GALNT12: variants seen among roughly 807,000 people sequenced by gnomAD.
The protein encoded by GALNT12 is polypeptide N-acetylgalactosaminyltransferase 12, also known as UDP-GalNAc:polypeptide N-acetylgalactosaminyltransferase 12.
In GALNT12, 45 loss-of-function variants were observed where a neutral mutation model predicts 55.5. The ratio of observed to expected loss-of-function variants is 0.81; its 90% CI spans 0.64 to 1.04. GALNT12 has a LOEUF of 1.04. Among genes scored for constraint, GALNT12 ranks in the 50% least tolerant of loss-of-function variants. The probability of loss-of-function intolerance (pLI) is 0.00; values close to 1 mark genes in which losing one functional copy is unlikely to be tolerated. For synonymous variants in GALNT12, 304 were observed against 312.2 expected (o/e 0.97, Z 0.28); for missense variants, 709 against 754.8 (o/e 0.94, Z 0.71).
intron 6 of GALNT12, among the ~76,000 whole-genome samples, chr9:98,839,006 T>C (rs1836221989): frequency 6.6e-6 from 1 of 152,188 alleles, no homozygotes; most frequent in Non-Finnish European, 1.5e-5. Flanking sequence ...TCAGCCCCTC[T>C]CTGGCTCTGG....
intron 1 of GALNT12, among the ~76,000 whole-genome samples, chr9:98,814,713 G>A (rs902488732): frequency 3.3e-5 from 5 of 151,202 alleles, no homozygotes; most frequent in African/African-American, 9.7e-5. Context: ...GGAAGATCAA[G>A]AGGCATTTAC....
intron 1 of GALNT12, among the ~76,000 whole-genome samples, chr9:98,818,903 A>T (rs1183493371): frequency 1.3e-5 from 2 of 152,194 alleles, no homozygotes; most frequent in Non-Finnish European, 2.9e-5. Flanking sequence ...TATAGCCAAG[A>T]TGTCACTTGG....
chr9:98,830,465 T>G (rs748941078), intron 3 of GALNT12, among the ~76,000 whole-genome samples: 2 of 152,184 alleles, frequency 1.3e-5, no homozygotes, highest in Non-Finnish European at 2.9e-5. Context: ...CTGCACATTC[T>G]CCAGCCACGA....
intron 9 of GALNT12, among the ~76,000 whole-genome samples, chr9:98,846,696 C>CA (rs1314292660): frequency 1.6e-5 from 1 of 61,720 alleles, no homozygotes; most frequent in East Asian, 9.6e-3. Context: ...CCCATCTCTA[C>CA]TTAAAAAAAA....
At chr9:98,830,071 A>G (rs778644006) in intron 3 of GALNT12, among the ~76,000 whole-genome samples, 7 of 152,222 alleles carry the variant, frequency 4.6e-5, no homozygotes, top group African/African-American at 7.2e-5. Flanking sequence ...TAGAGGTTGT[A>G]CTAATTTACA....
At chr9:98,827,496 T>C (rs916574379) in intron 3 of GALNT12, among the ~76,000 whole-genome samples, 25 of 152,214 alleles carry the variant, frequency 1.6e-4, no homozygotes, top group African/African-American at 5.8e-4. Flanking sequence ...TATCCGGGCT[T>C]GTTGCAGAAA....
At chr9:98,816,732 C>T (rs1835619555) in intron 1 of GALNT12, among the ~76,000 whole-genome samples, 1 of 151,102 alleles carries the variant, frequency 6.6e-6, no homozygotes, top group Non-Finnish European at 1.5e-5. Context: ...CTCACTGCCA[C>T]CCCCGCCTCC....
chr9:98,834,117 C>T (rs1178683356), intron 4 of GALNT12, among the ~76,000 whole-genome samples: 2 of 151,926 alleles, frequency 1.3e-5, no homozygotes, highest in Non-Finnish European at 2.9e-5. Context: ...TCAATGTTCT[C>T]TTTCCCTATT....
Position 98,849,734 on chromosome 9 carries a change from C to A in GALNT12, c.*642C>A. The A allele has an allele frequency of 5.0e-6, 2 of 398,758 alleles. No individual in the cohort carries two copies. Among genetic ancestry groups the A allele is most frequent in the African/African-American group, 2.1e-5 (1 of 48,720 alleles). 24.7% of individuals were successfully genotyped at this position (398,758 alleles called of 1,614,324 possible). ...TAACCAAAGCTGAAATCTCAGAGAACAATTTGCTTTACTAAGCTGAGTCAA... is the reference window on the plus strand; with the variant it reads ...TAACCAAAGCTGAAATCTCAGAGAAAAATTTGCTTTACTAAGCTGAGTCAA... On this transcript the variant is annotated 3_prime_UTR_variant, in exon 10 of 10. Coordinates refer to ENST00000375011, the MANE Select transcript of GALNT12 (RefSeq NM_024642.5).
At chr9:98,835,723 A>G (rs1224361043) in intron 5 of GALNT12, among the ~76,000 whole-genome samples, 1 of 151,792 alleles carries the variant, frequency 6.6e-6, no homozygotes, top group African/African-American at 2.4e-5. Context: ...TCAAACTTTG[A>G]CAGATGTAAG....
At chr9:98,812,200 A>G (rs1364613289) in intron 1 of GALNT12, among the ~76,000 whole-genome samples, 1 of 152,206 alleles carries the variant, frequency 6.6e-6, no homozygotes, top group Non-Finnish European at 1.5e-5. Flanking sequence ...AATTTCGGTT[A>G]GTATTTTCCT....
rs1835872388 is a variant in GALNT12 at position 98,826,956 on chromosome 9, C to T, written c.731+15C>T. ...CTGCTGCAGAGGTACGTGAGCCGCC[C>T]ACCATGGGAGAGACAGCATGTTACC... On this transcript the variant is annotated intron_variant, in intron 3 of 9. Transcript: ENST00000375011. 2 of 1,552,892 alleles carry T rather than the reference C, an allele frequency of 1.3e-6. No individual in the cohort carries two copies. Among genetic ancestry groups the T allele is most frequent in the Non-Finnish European group, 1.7e-6 (2 of 1,147,880 alleles).
At chr9:98,836,930 T>C (rs1588453737) in intron 5 of GALNT12, 42 bp from the exon 6 acceptor site, 11 of 1,004,138 alleles carry the variant, frequency 1.1e-5, no homozygotes, top group South Asian at 1.5e-5. Flanking sequence ...CCGCAGCTCA[T>C]CCCCTGCTCA....
At chr9:98,818,120 C>A (rs1301940796) in intron 1 of GALNT12, among the ~76,000 whole-genome samples, 1 of 152,172 alleles carries the variant, frequency 6.6e-6, no homozygotes, top group Non-Finnish European at 1.5e-5. Context: ...GTCTCTACTT[C>A]AGCATGTATT....
chr9:98,837,254 A>G, intron 6 of GALNT12, 106 bp downstream of exon 6: 1 of 1,095,506 alleles, frequency 9.1e-7, no homozygotes, highest in Non-Finnish European at 1.4e-6. Flanking sequence ...TAGAGAATAA[A>G]TTGGGTGCTC....
chr9:98,808,623 G>A (rs752008525), intron 1 of GALNT12, among the ~76,000 whole-genome samples: 1 of 152,198 alleles, frequency 6.6e-6, no homozygotes, highest in Non-Finnish European at 1.5e-5. Flanking sequence ...TTGGGTGGAG[G>A]AAGGCGGGAA....
intron 3 of GALNT12, among the ~76,000 whole-genome samples, chr9:98,828,432 T>A (rs770547215): frequency 3.3e-5 from 5 of 152,116 alleles, no homozygotes; most frequent in Non-Finnish European, 7.4e-5. Flanking sequence ...ACCAATGGGC[T>A]CCCCTTCCTT....
chr9:98,828,408 C>G (rs1364759067), intron 3 of GALNT12, among the ~76,000 whole-genome samples: 1 of 152,192 alleles, frequency 6.6e-6, no homozygotes. Context: ...CCGAGTGCTC[C>G]CTCTGGAACC....
At chr9:98,808,128 C>CA (rs1163547203) in intron 1 of GALNT12, 59 bp downstream of exon 1, 1 of 1,416,048 alleles carries the variant, frequency 7.1e-7, no homozygotes, top group African/African-American at 1.4e-5. Flanking sequence ...TCAGTTTCTC[C>CA]ATCAGAGCAG....
Sources: allele counts gnomAD v4.1 joint callset (sites outside exome capture counted in the v4.1 genomes callset), GRCh38; gene constraint gnomAD v4.1.1; transcripts MANE v1.5; gene names NCBI Gene and HGNC (gene_info 2026-07-23, HGNC 2026-07-21).